TANC2: variants seen among roughly 807,000 people sequenced by gnomAD.
TANC2 encodes tetratricopeptide repeat, ankyrin repeat and coiled-coil containing 2, also known as protein TANC2.
TANC2 carries 26 observed loss-of-function variants against 210.5 expected under a neutral mutation model. That is an observed-to-expected ratio of 0.12 (90% CI 0.09 to 0.17). The LOEUF (loss-of-function observed/expected upper bound fraction) is 0.17, where lower values mean the gene tolerates loss of function less well. Among genes scored for constraint, TANC2 ranks in the 10% least tolerant of loss-of-function variants. TANC2 has a pLI of 1.00. For missense variants in TANC2, 2,129 were observed against 2,608.9 expected (o/e 0.82, Z 4.01); for synonymous variants, 931 against 967.1 (o/e 0.96, Z 0.69).
At chr17:63,020,086 C>A (rs1362390969) in intron 2 of TANC2, among the ~76,000 whole-genome samples, 2 of 152,202 alleles carry the variant, frequency 1.3e-5, no homozygotes, top group African/African-American at 2.4e-5. Context: ...GCCGCCATGC[C>A]TGGCTAATTT....
chr17:63,306,617 A>C (rs868182230), intron 9 of TANC2, among the ~76,000 whole-genome samples: 1 of 152,234 alleles, frequency 6.6e-6, no homozygotes, highest in Admixed American at 6.5e-5. Context: ...ATTAGTATTT[A>C]TGATAAATTC....
intron 5 of TANC2, chr17:63,153,714 G>A (rs568416088): frequency 2.6e-5 from 4 of 152,198 alleles, no homozygotes; most frequent in African/African-American, 9.6e-5. Context: ...AAGTCTTTGG[G>A]GTTCCTTCTA....
intron 4 of TANC2, among the ~76,000 whole-genome samples, chr17:63,140,118 G>C (rs1335412271): frequency 6.6e-6 from 1 of 152,024 alleles, no homozygotes; most frequent in Non-Finnish European, 1.5e-5. Flanking sequence ...AACATAACTA[G>C]AAGATTAACT....
At chr17:63,208,117 G>A (rs1412990614) in intron 7 of TANC2, among the ~76,000 whole-genome samples, 3 of 151,868 alleles carry the variant, frequency 2.0e-5, no homozygotes, top group African/African-American at 7.3e-5. Context: ...TTTTTAATAG[G>A]AAGCCTTAAT....
chr17:62,987,256 G>T (rs896233711), intron 1 of TANC2, among the ~76,000 whole-genome samples: 1 of 152,134 alleles, frequency 6.6e-6, no homozygotes, highest in African/African-American at 2.4e-5. Context: ...TCCTGGGGTC[G>T]TGGTGTTCAG....
At chr17:63,350,499 C>T (rs2046566559) in intron 12 of TANC2, among the ~76,000 whole-genome samples, 3 of 152,124 alleles carry the variant, frequency 2.0e-5, no homozygotes, top group African/African-American at 7.2e-5. Context: ...TCAGCATAGC[C>T]CTAAAGTTAA....
intron 7 of TANC2, among the ~76,000 whole-genome samples, chr17:63,232,081 C>G (rs1207506487): frequency 6.6e-6 from 1 of 152,104 alleles, no homozygotes; most frequent in Non-Finnish European, 1.5e-5. Context: ...TTGTGAAGTT[C>G]TTGTTTTGTG....
chr17:63,016,238 T>C (rs2034102371), intron 2 of TANC2, among the ~76,000 whole-genome samples: 1 of 152,196 alleles, frequency 6.6e-6, no homozygotes, highest in African/African-American at 2.4e-5. Flanking sequence ...TAAACCACAT[T>C]ATTATATGTT....
intron 7 of TANC2, among the ~76,000 whole-genome samples, chr17:63,231,496 T>G (rs1475369883): frequency 6.6e-6 from 1 of 152,180 alleles, no homozygotes; most frequent in Non-Finnish European, 1.5e-5. Context: ...TGAAAAGGAT[T>G]TTATTTCTCC....
chr17:63,222,157 A>G (rs1179946804), intron 7 of TANC2, among the ~76,000 whole-genome samples: 2 of 152,170 alleles, frequency 1.3e-5, no homozygotes, highest in African/African-American at 2.4e-5. Context: ...ACATGATGGA[A>G]AGGGTGAGGA....
At chr17:63,282,328 A>G (rs2044083023) in intron 9 of TANC2, among the ~76,000 whole-genome samples, 1 of 152,118 alleles carries the variant, frequency 6.6e-6, no homozygotes, top group South Asian at 2.1e-4. Context: ...AGAAAGGATA[A>G]TAAGAAAATA....
chr17:63,338,787 A>G (rs891744042), intron 11 of TANC2: 1 of 152,214 alleles, frequency 6.6e-6, no homozygotes, highest in African/African-American at 2.4e-5. Flanking sequence ...TCAGTTTTGT[A>G]TATGTAGTAA....
chr17:62,985,429 C>T (rs2032520170), intron 1 of TANC2, among the ~76,000 whole-genome samples: 1 of 152,260 alleles, frequency 6.6e-6, no homozygotes, highest in South Asian at 2.1e-4. Context: ...AGATTTGGGA[C>T]ATTTTCAGCT....
chr17:63,010,968 A>G (rs1040610321), intron 2 of TANC2, among the ~76,000 whole-genome samples: 1 of 152,034 alleles, frequency 6.6e-6, no homozygotes, highest in Admixed American at 6.6e-5. Context: ...TGCACATATG[A>G]TTAATTCATT....
chr17:63,007,988 GT>G (rs56950914), intron 1 of TANC2, among the ~76,000 whole-genome samples: 51,734 of 118,038 alleles, frequency 0.44, 9,439 homozygotes, highest in African/African-American at 0.49. Context: ...ATTGGCGCCA[GT>G]TTTTTTTTTT....
At chr17:63,002,527 A>G (rs970663214) in intron 1 of TANC2, among the ~76,000 whole-genome samples, 2 of 152,208 alleles carry the variant, frequency 1.3e-5, no homozygotes, top group African/African-American at 4.8e-5. Context: ...CTATTTAAGC[A>G]TGAATATCAT....
chr17:62,967,067 G>A (rs981281100), intron 1 of TANC2: 8 of 152,288 alleles, frequency 5.3e-5, no homozygotes, highest in Non-Finnish European at 1.2e-4. Flanking sequence ...ATGTGGTGCA[G>A]AACGAGTTGC....
At chr17:63,378,858 C>T (rs551483398) in intron 14 of TANC2, among the ~76,000 whole-genome samples, 6 of 152,148 alleles carry the variant, frequency 3.9e-5, no homozygotes, top group African/African-American at 9.7e-5. Context: ...TCAGAGAAGA[C>T]GTCACTTGGG....
chr17:63,199,706 G>A (rs1298928655), intron 6 of TANC2, among the ~76,000 whole-genome samples: 2 of 151,960 alleles, frequency 1.3e-5, no homozygotes, highest in Non-Finnish European at 2.9e-5. Context: ...TGTAGAAAGA[G>A]TTGAAGAAAA....
Sources: allele counts gnomAD v4.1 joint callset (sites outside exome capture counted in the v4.1 genomes callset), GRCh38; gene constraint gnomAD v4.1.1; transcripts MANE v1.5; gene names NCBI Gene and HGNC (gene_info 2026-07-23, HGNC 2026-07-21).